The following NDUFA13 variants were observed in gnomAD, a reference collection of about 807,000 sequenced individuals.
NDUFA13 encodes NADH dehydrogenase [ubiquinone] 1 alpha subcomplex subunit 13.
Under a neutral mutation model 17.0 loss-of-function variants are expected in NDUFA13, and 16 were observed. The observed-to-expected ratio is 0.94, with a 90% CI of 0.64 to 1.43. NDUFA13 has a LOEUF of 1.43. NDUFA13 is among the 40% of genes most tolerant of loss of function. The probability of loss-of-function intolerance (pLI) is 0.00; values close to 1 mark genes in which losing one functional copy is unlikely to be tolerated. For missense variants in NDUFA13, 228 were observed against 206.7 expected, an observed-to-expected ratio of 1.10 and a Z score of -0.63; for synonymous variants, 87 against 78.4, an observed-to-expected ratio of 1.11 and a Z score of -0.58.
chr19:19,517,500 C>CCGTGCT (rs2061055487), intron 1 of NDUFA13, among the ~76,000 whole-genome samples: 1 of 152,082 alleles, frequency 6.6e-6, no homozygotes, highest in African/African-American at 2.4e-5. Flanking sequence ...GCATGAGCTA[C>CCGTGCT]CGTGCTCGGC....
chr19:19,520,288 A>G (rs1205295351), intron 1 of NDUFA13, among the ~76,000 whole-genome samples: 2 of 151,924 alleles, frequency 1.3e-5, no homozygotes, highest in East Asian at 3.9e-4. Context: ...TCTTTAATAT[A>G]TTTATTGAGG....
chr19:19,517,724 G>T (rs760119531), intron 1 of NDUFA13, among the ~76,000 whole-genome samples: 38 of 150,710 alleles, frequency 2.5e-4, no homozygotes, highest in Non-Finnish European at 4.6e-4. Flanking sequence ...ACAGGGTGCA[G>T]CTATGTTGAC....
chr19:19,525,186 C>A (rs1161714038), intron 1 of NDUFA13, among the ~76,000 whole-genome samples: 1 of 152,248 alleles, frequency 6.6e-6, no homozygotes, highest in Non-Finnish European at 1.5e-5. Context: ...CCAGCACACC[C>A]TCATTACCTG....
chr19:19,527,905 G>A (rs753913034), intron 4 of NDUFA13, 102 bp from the exon 5 acceptor site: 3 of 1,507,018 alleles, frequency 2.0e-6, no homozygotes, highest in Non-Finnish European at 2.7e-6. Context: ...AGGGAAGGCT[G>A]TAGCGCCTGC....
At chr19:19,526,597 G>T in intron 2 of NDUFA13, 1 of 388,618 alleles carries the variant, frequency 2.6e-6, no homozygotes, top group South Asian at 2.1e-5. Context: ...GGGACCCGTG[G>T]ATCCAGATTA....
intron 1 of NDUFA13, among the ~76,000 whole-genome samples, chr19:19,522,739 A>G (rs1472923361): frequency 3.9e-5 from 6 of 152,040 alleles, no homozygotes; most frequent in Non-Finnish European, 8.8e-5. Flanking sequence ...TGGCCTCCCA[A>G]AGTGCTAGAA....
At chr19:19,521,187 A>G (rs1030456212) in intron 1 of NDUFA13, among the ~76,000 whole-genome samples, 2 of 152,154 alleles carry the variant, frequency 1.3e-5, no homozygotes, top group Non-Finnish European at 2.9e-5. Context: ...CCACGTCTCA[A>G]CAACACTGAT....
At chr19:19,527,106 G>A (rs986483091) in intron 2 of NDUFA13, among the ~76,000 whole-genome samples, 175 bp from the exon 3 acceptor site, 1 of 152,148 alleles carries the variant, frequency 6.6e-6, no homozygotes, top group Non-Finnish European at 1.5e-5. Flanking sequence ...CAGGCTCCTG[G>A]TGGGCTCTGC....
intron 1 of NDUFA13, among the ~76,000 whole-genome samples, chr19:19,523,741 A>G (rs768600283): frequency 6.6e-6 from 1 of 152,198 alleles, no homozygotes; most frequent in Non-Finnish European, 1.5e-5. Context: ...CAGCCTGGCC[A>G]ACATGGTGAA....
At chr19:19,517,422 G>A (rs1177045694) in intron 1 of NDUFA13, among the ~76,000 whole-genome samples, 2 of 151,804 alleles carry the variant, frequency 1.3e-5, no homozygotes, top group Non-Finnish European at 2.9e-5. Context: ...ATCTTGCCCA[G>A]GCTGGTCTCG....
chr19:19,517,454 C>T (rs2061055209), intron 1 of NDUFA13, among the ~76,000 whole-genome samples: 1 of 152,116 alleles, frequency 6.6e-6, no homozygotes, highest in Admixed American at 6.6e-5. Context: ...TCAAGTGATC[C>T]ACCCACCTCG....
intron 3 of NDUFA13, 63 bp from the exon 4 acceptor site, chr19:19,527,638 C>G (rs1013620115): frequency 7.5e-7 from 1 of 1,335,306 alleles, no homozygotes. Flanking sequence ...CTACTAGGGG[C>G]CCTAGGCAGG....
chr19:19,524,768 T>C (rs2061093092), intron 1 of NDUFA13, among the ~76,000 whole-genome samples: 1 of 152,144 alleles, frequency 6.6e-6, no homozygotes, highest in African/African-American at 2.4e-5. Context: ...ATCTTGCCAC[T>C]GCACCCCAGC....
At chr19:19,527,453 GC>G in intron 3 of NDUFA13, 101 bp downstream of exon 3, 1 of 1,404,692 alleles carries the variant, frequency 7.1e-7, no homozygotes, top group Non-Finnish European at 1.0e-6. Flanking sequence ...GCACGTGGGG[GC>G]CATCGCCCTG....
intron 1 of NDUFA13, 107 bp from the exon 2 acceptor site, chr19:19,526,075 C>T: frequency 1.3e-6 from 2 of 1,546,568 alleles, no homozygotes; most frequent in East Asian, 2.4e-5. Flanking sequence ...AGCCTCACTC[C>T]TGAGAAGCCG....
chr19:19,521,485 TGAGATTCTAG>T (rs2061077345), intron 1 of NDUFA13, among the ~76,000 whole-genome samples: 1 of 152,298 alleles, frequency 6.6e-6, no homozygotes, highest in Non-Finnish European at 1.5e-5. Flanking sequence ...CTCAAAGTGC[TGAGATTCTAG>T]GAGTGAACCA....
At chr19:19,526,554 C>A in intron 2 of NDUFA13, 1 of 450,818 alleles carries the variant, frequency 2.2e-6, no homozygotes, top group Non-Finnish European at 4.1e-6. Flanking sequence ...CCTGTCCTCG[C>A]CACCCCAAAA....
chr19:19,527,207 C>G (rs943661662), intron 2 of NDUFA13, 74 bp from the exon 3 acceptor site: 1 of 1,529,098 alleles, frequency 6.5e-7, no homozygotes, highest in Non-Finnish European at 9.0e-7. Flanking sequence ...CACCCTGGCC[C>G]CTGAGGTCTG....
At chr19:19,518,562 G>T (rs1363180170) in intron 1 of NDUFA13, among the ~76,000 whole-genome samples, 5 of 136,430 alleles carry the variant, frequency 3.7e-5, no homozygotes, top group African/African-American at 5.4e-5. Flanking sequence ...GTTGTTTTTT[G>T]TGTGTGTGTT....
Sources: allele counts gnomAD v4.1 joint callset (sites outside exome capture counted in the v4.1 genomes callset), GRCh38; gene constraint gnomAD v4.1.1; transcripts MANE v1.5; gene names NCBI Gene and HGNC (gene_info 2026-07-23, HGNC 2026-07-21).